Variants in TMEM182 observed in about 807,000 individuals in gnomAD.
TMEM182 encodes transmembrane protein 182.
A neutral mutation model predicts 26.8 loss-of-function variants in TMEM182; 20 were observed. The ratio of observed to expected loss-of-function variants is 0.75; its 90% CI spans 0.53 to 1.09. TMEM182 has a LOEUF of 1.09. Among genes scored for constraint, TMEM182 ranks in the 50% least tolerant of loss-of-function variants. The pLI, the probability that TMEM182 is intolerant of heterozygous loss-of-function variation, is 0.00. For synonymous variants in TMEM182, 109 were observed against 102.2 expected (o/e 1.07, Z -0.40); for missense variants, 277 against 275.5 (o/e 1.01, Z -0.04).
downstream of TMEM182, among the ~76,000 whole-genome samples, chr2:102,821,013 T>A (rs1050029923): frequency 7.9e-5 from 12 of 152,146 alleles, no homozygotes; most frequent in Admixed American, 3.3e-4. Flanking sequence ...GTTTCAACCC[T>A]GATAAAGAGT....
intron 1 of TMEM182, among the ~76,000 whole-genome samples, chr2:102,740,960 A>G (rs1179482529): frequency 6.6e-6 from 1 of 152,262 alleles, no homozygotes; most frequent in East Asian, 1.9e-4. Context: ...GCCAAATGAA[A>G]AGGAACACAT....
At chr2:102,821,767 T>G (rs1682919953), downstream of TMEM182, among the ~76,000 whole-genome samples, 1 of 152,022 alleles carries the variant, frequency 6.6e-6, no homozygotes, top group Non-Finnish European at 1.5e-5. Context: ...GGCGGGCAGA[T>G]CACGTGGTCA....
intron 2 of TMEM182, among the ~76,000 whole-genome samples, chr2:102,763,413 T>C (rs1680295074): frequency 6.6e-6 from 1 of 152,234 alleles, no homozygotes; most frequent in African/African-American, 2.4e-5. Context: ...GGCTGTTTAT[T>C]AGCCTAAAGC....
In TMEM182 at chr2:102,810,735, A is replaced by C. The variant is rs181410908; in HGVS notation, c.470-4013A>C. Among the ~76,000 whole-genome samples, 65 of 152,258 alleles carry C rather than the reference A, an allele frequency of 4.3e-4. No homozygotes were observed. The East Asian group carries it at 0.012, about 28-fold the overall frequency. On this transcript the variant is annotated intron_variant, in intron 4 of 4. Coordinates refer to ENST00000412401, the MANE Select transcript of TMEM182 (RefSeq NM_144632.5). ...ATATTTTATATATTTTCTGGACTTC[A>C]AAAAATAGGTATTATAAAATTCAAT...
intron 3 of TMEM182, among the ~76,000 whole-genome samples, chr2:102,796,231 A>T (rs1314746407): frequency 6.6e-6 from 1 of 152,218 alleles, no homozygotes; most frequent in Admixed American, 6.5e-5. Flanking sequence ...GAAGAAAATC[A>T]GATAACTTTG....
At chr2:102,744,882 G>A (rs1335895990) in intron 1 of TMEM182, among the ~76,000 whole-genome samples, 1 of 151,982 alleles carries the variant, frequency 6.6e-6, no homozygotes, top group Non-Finnish European at 1.5e-5. Flanking sequence ...ACATGTGTTT[G>A]TTTTCTATTT....
At chr2:102,806,007 A>G (rs930009732) in intron 4 of TMEM182, among the ~76,000 whole-genome samples, 5 of 152,186 alleles carry the variant, frequency 3.3e-5, no homozygotes, top group Admixed American at 3.3e-4. Flanking sequence ...CCTTTTTCAA[A>G]ATATGTGTCT....
intron 2 of TMEM182, among the ~76,000 whole-genome samples, chr2:102,763,003 G>A (rs1297853328): frequency 1.3e-5 from 2 of 152,108 alleles, no homozygotes; most frequent in African/African-American, 4.8e-5. Flanking sequence ...ATTTTTTCAA[G>A]TGTGTGAATA....
At chr2:102,774,604 G>A (rs1284656764) in intron 3 of TMEM182, among the ~76,000 whole-genome samples, 3 of 151,858 alleles carry the variant, frequency 2.0e-5, no homozygotes, top group East Asian at 1.9e-4. Context: ...TATGAATTAC[G>A]CTTACATTTC....
chr2:102,834,328 C>CGTCT (rs1195644111), intron 3 of TMEM182: 7 of 936,262 alleles, frequency 7.5e-6, no homozygotes, highest in Non-Finnish European at 8.9e-6. Flanking sequence ...TCTTAGGACT[C>CGTCT]GTCTGTTTTT....
intron 1 of TMEM182, among the ~76,000 whole-genome samples, chr2:102,738,217 T>C (rs536236430): frequency 9.7e-4 from 148 of 152,250 alleles, no homozygotes; most frequent in Non-Finnish European, 1.8e-3. Flanking sequence ...GGCTACTAAA[T>C]ACATAGCTAG....
At chr2:102,836,522 A>T (rs2104779684) in intron 3 of TMEM182, among the ~76,000 whole-genome samples, 1 of 152,326 alleles carries the variant, frequency 6.6e-6, no homozygotes, top group South Asian at 2.1e-4. Context: ...TTGAATCCTT[A>T]TAAGAATGCT....
rs551012504 is a variant in TMEM182, at chr2:102,764,133, C to T, written c.233-196C>T. Among the ~76,000 whole-genome samples, 20 of 152,242 alleles carry T rather than the reference C, an allele frequency of 1.3e-4. No individual in the cohort carries two copies. The South Asian group carries it at 3.9e-3, about 30-fold the overall frequency. ...TAGCTAGATGTTCTGGATGAATCCA[C>T]CTTCGTCTCATGTGCATCTTGATAT... On this transcript the variant is annotated intron_variant, in intron 2 of 4. Transcript: ENST00000412401.
At chr2:102,766,811 T>G (rs186709909) in intron 3 of TMEM182, among the ~76,000 whole-genome samples, 1 of 152,330 alleles carries the variant, frequency 6.6e-6, no homozygotes, top group Admixed American at 6.5e-5. Flanking sequence ...CCTGGCAAAT[T>G]GTTGGTGAAA....
chr2:102,818,152 A>AT (rs545266378), downstream of TMEM182, among the ~76,000 whole-genome samples: 105 of 152,162 alleles, frequency 6.9e-4, no homozygotes, highest in Non-Finnish European at 1.4e-3. Flanking sequence ...ACCAGATTTG[A>AT]TTTTTTTGGG....
intron 1 of TMEM182, among the ~76,000 whole-genome samples, chr2:102,753,200 C>CT (rs139928282): frequency 7.9e-5 from 12 of 151,356 alleles, no homozygotes; most frequent in Admixed American, 7.9e-4. Flanking sequence ...AGCTTCCCCC[C>CT]CCCACTGCCT....
At chr2:102,813,936 C>A (rs534635757) in intron 4 of TMEM182, among the ~76,000 whole-genome samples, 1 of 151,934 alleles carries the variant, frequency 6.6e-6, no homozygotes, top group Non-Finnish European at 1.5e-5. Flanking sequence ...TCCCTTCCTT[C>A]ATTCTCTCTC....
At chr2:102,818,755 T>TATC (rs1553444820), downstream of TMEM182, among the ~76,000 whole-genome samples, 1 of 142,750 alleles carries the variant, frequency 7.0e-6, no homozygotes, top group Non-Finnish European at 1.6e-5. Context: ...CCTATCTATC[T>TATC]ATCTATCTAT....
At chr2:102,830,848 C>A (rs1044251000) in intron 3 of TMEM182, among the ~76,000 whole-genome samples, 4 of 152,152 alleles carry the variant, frequency 2.6e-5, no homozygotes, top group African/African-American at 9.7e-5. Context: ...CACCCTCCCA[C>A]TACCCTTCCA....
Sources: allele counts gnomAD v4.1 joint callset (sites outside exome capture counted in the v4.1 genomes callset), GRCh38; gene constraint gnomAD v4.1.1; transcripts MANE v1.5; gene names NCBI Gene and HGNC (gene_info 2026-07-23, HGNC 2026-07-21).